The following SYDE2 variants were observed in gnomAD, a reference collection of about 807,000 sequenced individuals.
SYDE2 encodes synapse defective Rho GTPase homolog 2, also known as rho GTPase-activating protein SYDE2.
Under a neutral mutation model 91.5 loss-of-function variants are expected in SYDE2, and 76 were observed. The observed-to-expected ratio is 0.83, with a 90% CI of 0.69 to 1.01. SYDE2 has a LOEUF of 1.01. Ranked by LOEUF, SYDE2 falls within the 50% of genes least tolerant of loss-of-function variation. The pLI, the probability that SYDE2 is intolerant of heterozygous loss-of-function variation, is 0.00. For missense variants in SYDE2, 1,364 were observed against 1,367.7 expected (o/e 1.00, Z 0.04); for synonymous variants, 513 against 506.4 (o/e 1.01, Z -0.18).
At chr1:85,186,190 C>T (rs937503930) in intron 2 of SYDE2, among the ~76,000 whole-genome samples, 13 of 152,178 alleles carry the variant, frequency 8.5e-5, no homozygotes, top group Middle Eastern at 3.4e-3. Context: ...CTGCTGGATT[C>T]GGTTTGCCAG....
chr1:85,166,408 C>T (rs1571231254), intron 5 of SYDE2, among the ~76,000 whole-genome samples: 1 of 148,260 alleles, frequency 6.7e-6, no homozygotes, highest in Non-Finnish European at 1.5e-5. Context: ...TGGTAAAAAT[C>T]TTATTTAAAG....
At chr1:85,197,264 T>C (rs1658621843) in intron 1 of SYDE2, among the ~76,000 whole-genome samples, 1 of 152,206 alleles carries the variant, frequency 6.6e-6, no homozygotes, top group Admixed American at 6.5e-5. Flanking sequence ...GTCATTATAA[T>C]ACTATCAAAA....
rs867435180 is a variant in SYDE2 at position 85,178,146 on chromosome 1, C to A, written c.2671G>T (p.Gly891Cys). ...NQYPDINVIT[G>C]VLKDYLRELP... The stretch of plus-strand genomic sequence containing the variant: ...ACATAAAATAAAATCTATTTATTAC[C>A]TGTTATTACATTTATATCTGGGTAC... The change falls in exon 4 of 7, where the codon GGT becomes TGT. Residue 891 changes from glycine (G) to cysteine (C), a missense_variant and splice_region_variant. Coordinates refer to ENST00000341460, the MANE Select transcript of SYDE2 (RefSeq NM_032184.2). The A allele has an allele frequency of 6.4e-7, 1 of 1,564,614 alleles. No homozygotes were observed. The highest frequency in any genetic ancestry group is 8.7e-7 in the Non-Finnish European group (1 of 1,153,368).
intron 1 of SYDE2, among the ~76,000 whole-genome samples, chr1:85,196,208 A>G (rs931929520): frequency 4.6e-5 from 7 of 152,224 alleles, no homozygotes; most frequent in African/African-American, 1.7e-4. Context: ...TTAAGTACCA[A>G]GTATCAGAAT....
chr1:85,178,100 T>C lies in SYDE2; in HGVS notation c.2671+46A>G, dbSNP rs761662793. Reference sequence around the variant, plus strand: ...GTATTTCAGTTATCTTTCTTGCAGATGTAGTCTTTCCAGAAAGAGTACATA... The same window carrying C: ...GTATTTCAGTTATCTTTCTTGCAGACGTAGTCTTTCCAGAAAGAGTACATA... On this transcript the variant is annotated intron_variant, in intron 4 of 6. Transcript: ENST00000341460. The C allele has an allele frequency of 9.1e-6, 13 of 1,423,664 alleles. No homozygotes were observed. In the Admixed American group the frequency reaches 2.0e-4, roughly 22 times the overall value. 88.2% of individuals were successfully genotyped at this position (1,423,664 alleles called of 1,614,324 possible).
intron 6 of SYDE2, among the ~76,000 whole-genome samples, chr1:85,162,453 G>A (rs1326901697): frequency 6.6e-6 from 1 of 152,118 alleles, no homozygotes; most frequent in African/African-American, 2.4e-5. Context: ...GCAGGTGATT[G>A]ACAGGGTAAA....
downstream of SYDE2, chr1:85,153,313 G>C (rs540073517): frequency 1.3e-5 from 2 of 152,360 alleles, no homozygotes; most frequent in African/African-American, 4.8e-5. Context: ...TGGTGGCTTG[G>C]ACTAGGGTAT....
chr1:85,178,166 G>A lies in SYDE2; in HGVS notation c.2651C>T (p.Pro884Leu), dbSNP rs1407589893. 1 of 1,578,200 alleles carries A rather than the reference G, an allele frequency of 6.3e-7. No homozygotes were observed. The highest frequency in any genetic ancestry group is 8.6e-7 in the Non-Finnish European group (1 of 1,160,498). The change falls in exon 4 of 7, where the codon CCA becomes CTA. Residue 884 changes from proline (P) to leucine (L), a missense_variant. Pro to Leu is a moderately conservative substitution (Grantham distance 98). Transcript: ENST00000341460. ...ATTACCTGTTATTACATTTATATCT[G>A]GGTACTGGTTTTCACACAGACCAAC... ...KAVGLCENQY[P>L]DINVITGVLK... is the part of the protein sequence containing the mutation.
Position 85,183,133 on chromosome 1 carries a change from A to G in SYDE2, c.1509T>C (p.Pro503=). The change falls in exon 3 of 7, where the codon CCT becomes CCC. Residue 503 remains proline (P), a synonymous_variant. Coordinates refer to ENST00000341460, the MANE Select transcript of SYDE2 (RefSeq NM_032184.2). The part of the protein sequence containing the change: ...LGIMEPSSPN[P]SPVKKGSSIN... ...TTGAACTGCCTTTTTTCACAGGGCT[A>G]GGATTTGGAGAAGATGGTTCCATAA... 4 of 1,609,720 alleles carry G rather than the reference A, an allele frequency of 2.5e-6. No homozygotes were observed. Among genetic ancestry groups the G allele is most frequent in the Non-Finnish European group, 3.4e-6 (4 of 1,178,780 alleles).
intron 2 of SYDE2, among the ~76,000 whole-genome samples, chr1:85,184,627 C>T (rs2100676363): frequency 1.0e-5 from 1 of 100,216 alleles, no homozygotes; most frequent in East Asian, 2.8e-4. Context: ...CACTGTTATC[C>T]CATTACTTTG....
At chr1:85,163,059 G>A (rs779277034) in intron 6 of SYDE2, among the ~76,000 whole-genome samples, 6 of 151,566 alleles carry the variant, frequency 4.0e-5, no homozygotes, top group Non-Finnish European at 7.4e-5. Context: ...TTTTTAAGCC[G>A]GCATTTAAAA....
intron 2 of SYDE2, among the ~76,000 whole-genome samples, chr1:85,189,120 C>G (rs578023140): frequency 6.6e-6 from 1 of 152,248 alleles, no homozygotes; most frequent in Admixed American, 6.5e-5. Flanking sequence ...TTCACAATTT[C>G]AAATGGGTCA....
At chr1:85,175,686 A>G (rs1167038593) in intron 4 of SYDE2, among the ~76,000 whole-genome samples, 4 of 152,202 alleles carry the variant, frequency 2.6e-5, no homozygotes, top group Non-Finnish European at 4.4e-5. Flanking sequence ...ACTATTAATC[A>G]TATTTCAAAG....
rs759007232 is a variant in SYDE2, at chr1:85,164,657, A to G, written c.2954T>C (p.Val985Ala). Residue 985 changes from valine to alanine, a missense_variant, in exon 6 of 7, where the codon GTA becomes GCA. Val to Ala is a moderately conservative substitution (Grantham distance 64). Transcript: ENST00000341460. ...AGGCTCTTGCCTCTGACTTAATAAT[A>G]CTGGTCCAAAGCACACAGCCAAATT... is the stretch of plus-strand genomic sequence containing the variant. ...CQNLAVCFGP[V>A]LLSQRQEPST... The G allele has an allele frequency of 6.3e-7, 1 of 1,581,908 alleles. No individual in the cohort carries two copies.
intron 2 of SYDE2, among the ~76,000 whole-genome samples, chr1:85,187,567 G>GT (rs1285658331): frequency 1.3e-5 from 2 of 150,000 alleles, no homozygotes; most frequent in Non-Finnish European, 3.0e-5. Context: ...ACATGCACAC[G>GT]TATGTTTATT....
intron 5 of SYDE2, 69 bp from the exon 6 acceptor site, chr1:85,164,826 G>T (rs1239161639): frequency 1.1e-6 from 1 of 889,072 alleles, no homozygotes; most frequent in East Asian, 3.3e-5. Flanking sequence ...TTTATAGCAG[G>T]AAATACAGAT....
chr1:85,185,280 G>A (rs944913410), intron 2 of SYDE2, among the ~76,000 whole-genome samples: 1 of 146,702 alleles, frequency 6.8e-6, no homozygotes, highest in African/African-American at 2.5e-5. Flanking sequence ...ATATTTATGA[G>A]AAGAATGACA....
At chr1:85,187,731 T>C (rs941212590) in intron 2 of SYDE2, among the ~76,000 whole-genome samples, 1 of 151,774 alleles carries the variant, frequency 6.6e-6, no homozygotes, top group Admixed American at 6.6e-5. Flanking sequence ...ATGGATGAAA[T>C]TGGAAATCAT....
chr1:85,174,973 G>A (rs779084023), intron 4 of SYDE2, among the ~76,000 whole-genome samples: 3 of 152,208 alleles, frequency 2.0e-5, no homozygotes, highest in Admixed American at 6.5e-5. Context: ...AAAGTTTTCC[G>A]TGAATGGCAA....
Sources: gnomAD v4.1 joint callset for allele counts (sites outside exome capture counted in the v4.1 genomes callset) on GRCh38, gnomAD v4.1.1 for gene constraint, MANE v1.5 for transcripts, NCBI Gene and HGNC (gene_info 2026-07-23, HGNC 2026-07-21) for gene names.